USO1: variants seen among roughly 807,000 people sequenced by gnomAD.
USO1 encodes the protein general vesicular transport factor p115.
A neutral mutation model predicts 124.5 loss-of-function variants in USO1; 57 were observed. The observed-to-expected ratio is 0.46, with a 90% CI of 0.37 to 0.57. The LOEUF (loss-of-function observed/expected upper bound fraction) is 0.57. USO1 is among the 20% of genes least tolerant of loss of function. The pLI is 0.00. For missense variants in USO1, 900 were observed against 1,040.6 expected (o/e 0.86, Z 1.86); for synonymous variants, 369 against 362.8 (o/e 1.02, Z -0.19).
chr4:75,788,547 C>CTTTT (rs202201141), intron 10 of USO1, among the ~76,000 whole-genome samples: 1 of 139,724 alleles, frequency 7.2e-6, no homozygotes, highest in African/African-American at 2.6e-5. Context: ...CTTTTCTTTT[C>CTTTT]TTTTTTTTTT....
intron 1 of USO1, among the ~76,000 whole-genome samples, chr4:75,731,370 T>C (rs13126244): frequency 6.6e-6 from 1 of 152,178 alleles, no homozygotes; most frequent in South Asian, 2.1e-4. Context: ...GAGACCAGCC[T>C]GGCCAACATG....
chr4:75,758,899 GAT>G (rs1721517465), intron 4 of USO1, among the ~76,000 whole-genome samples: 1 of 152,122 alleles, frequency 6.6e-6, no homozygotes, highest in Non-Finnish European at 1.5e-5. Flanking sequence ...TGAAGAAAAA[GAT>G]ACTTATTTTC....
chr4:75,777,220 T>C (rs1346841991), intron 8 of USO1, among the ~76,000 whole-genome samples: 7 of 152,202 alleles, frequency 4.6e-5, no homozygotes, highest in Non-Finnish European at 1.0e-4. Context: ...ACACATATTT[T>C]GGTAGTTTTA....
chr4:75,790,382 T>C (rs974078001), intron 11 of USO1, 144 bp downstream of exon 11: 24 of 1,244,556 alleles, frequency 1.9e-5, no homozygotes, highest in East Asian at 2.6e-5. Context: ...ATAAATGATA[T>C]TGATATTTTA....
chr4:75,745,341 G>T (rs961110806), intron 1 of USO1: 1 of 519,740 alleles, frequency 1.9e-6, no homozygotes, highest in Non-Finnish European at 3.8e-6. Context: ...GGCTTGTCAG[G>T]GTGTTTAGTA....
At chr4:75,734,488 G>A (rs1012628584) in intron 1 of USO1, among the ~76,000 whole-genome samples, 2 of 152,030 alleles carry the variant, frequency 1.3e-5, no homozygotes, top group Non-Finnish European at 2.9e-5. Context: ...CTGTTCCATT[G>A]CTCCATGTCT....
At chr4:75,761,109 T>G (rs1396306807) in intron 4 of USO1, among the ~76,000 whole-genome samples, 1 of 152,000 alleles carries the variant, frequency 6.6e-6, no homozygotes, top group Non-Finnish European at 1.5e-5. Flanking sequence ...ATTGTGCCAC[T>G]GCACGATCCA....
chr4:75,800,295 A>G (rs1181920698), intron 14 of USO1, 56 bp from the exon 15 acceptor site: 3 of 1,518,918 alleles, frequency 2.0e-6, no homozygotes, highest in Non-Finnish European at 8.8e-7. Flanking sequence ...GTCAAATTCA[A>G]ATTGCAAAAT....
At position 75,810,571 on chromosome 4, in the gene USO1, A is replaced by C. The variant is rs753558260; in HGVS notation, c.2583+32A>C. 8.9e-6 allele frequency: 14 copies of C among 1,569,880 alleles called. No individual in the cohort carries two copies. In the African/African-American group the frequency reaches 1.6e-4, roughly 18 times the overall value. ...TTTTGGTGCAACTTTTATTTACTGC[A>C]TATGATATGAAATGAACTCTAGGAA... On this transcript the variant is annotated intron_variant, in intron 22 of 23. Transcript: ENST00000514213.
chr4:75,765,759 A>T (rs1446052268), intron 4 of USO1, among the ~76,000 whole-genome samples: 2 of 152,112 alleles, frequency 1.3e-5, no homozygotes, highest in Non-Finnish European at 2.9e-5. Flanking sequence ...TTATCAGCTC[A>T]CAAAGGAACA....
chr4:75,804,905 A>C, intron 18 of USO1: 1 of 373,838 alleles, frequency 2.7e-6, no homozygotes, highest in Non-Finnish European at 4.7e-6. Flanking sequence ...TCTTAATCAT[A>C]GATCACCAGA....
Position 75,793,745 on chromosome 4 carries a change from T to C in USO1, c.1296T>C (p.Thr432=), listed in dbSNP as rs749935352. 1.9e-5 allele frequency: 30 copies of C among 1,613,504 alleles called. No individual in the cohort carries two copies. Among genetic ancestry groups the C allele is most frequent in the Non-Finnish European group, 2.5e-5 (29 of 1,179,644 alleles). The change falls in exon 13 of 24, where the codon ACT becomes ACC. Residue 432 remains threonine (T), a synonymous_variant. Transcript: ENST00000514213. The part of the protein sequence containing the change: ...GQLLCGGLFS[T]DSLSNWCAAV... Reference sequence around the variant, plus strand: ...TATTATGTGGAGGTTTGTTTTCTACTGATTCACTTTCAAACTGGTGTGCTG... The same window carrying C: ...TATTATGTGGAGGTTTGTTTTCTACCGATTCACTTTCAAACTGGTGTGCTG...
At chr4:75,793,975 A>G in intron 13 of USO1, 74 bp downstream of exon 13, 1 of 1,580,126 alleles carries the variant, frequency 6.3e-7, no homozygotes, top group Admixed American at 1.8e-5. Context: ...ATGTCTTTAG[A>G]AGATGCAGAT....
intron 10 of USO1, 85 bp from the exon 11 acceptor site, chr4:75,790,059 CAAAAAA>C (rs199899130): frequency 2.4e-6 from 2 of 850,894 alleles, no homozygotes; most frequent in African/African-American, 4.0e-5. Context: ...AAAAAAAAAA[CAAAAAA>C]AAAAGATTTT....
intron 4 of USO1, among the ~76,000 whole-genome samples, chr4:75,764,857 A>C (rs1721722115): frequency 6.6e-6 from 1 of 152,164 alleles, no homozygotes; most frequent in South Asian, 2.1e-4. Context: ...AAAAAACCTG[A>C]AGATTGGCAA....
chr4:75,805,108 T>C lies in USO1; in HGVS notation c.2126-32T>C, dbSNP rs536869437. Reference sequence around the variant, plus strand: ...AAAAATGAAAAACTGAAGTTTCCCGTTGGCTTTTAAAATGTTATGTCTGTC... The same window carrying C: ...AAAAATGAAAAACTGAAGTTTCCCGCTGGCTTTTAAAATGTTATGTCTGTC... On this transcript the variant is annotated intron_variant, in intron 18 of 23. Coordinates refer to ENST00000514213, the MANE Select transcript of USO1 (RefSeq NM_003715.4). 24 of 1,522,580 alleles carry C rather than the reference T, an allele frequency of 1.6e-5. No homozygotes were observed. In the East Asian group the frequency reaches 2.8e-4, roughly 18 times the overall value. 94.3% of individuals were successfully genotyped at this position (1,522,580 alleles called of 1,614,324 possible).
chr4:75,729,005 C>T (rs1057107097), intron 1 of USO1, among the ~76,000 whole-genome samples: 1 of 152,072 alleles, frequency 6.6e-6, no homozygotes, highest in Non-Finnish European at 1.5e-5. Context: ...ACCGTGTTAA[C>T]CAGGATGGTC....
At chr4:75,791,322 G>A (rs926813137) in intron 12 of USO1, among the ~76,000 whole-genome samples, 22 of 152,106 alleles carry the variant, frequency 1.4e-4, no homozygotes, top group African/African-American at 5.1e-4. Flanking sequence ...CCAGGAGTTC[G>A]AGACCAGCCT....
intron 20 of USO1, 56 bp from the exon 21 acceptor site, chr4:75,808,897 T>TCC (rs1723066156): frequency 6.6e-7 from 1 of 1,505,204 alleles, no homozygotes. Context: ...TGTAAATATT[T>TCC]CCTTGATGAA....
Sources: gnomAD v4.1 joint callset for allele counts (sites outside exome capture counted in the v4.1 genomes callset) on GRCh38, gnomAD v4.1.1 for gene constraint, MANE v1.5 for transcripts, NCBI Gene and HGNC (gene_info 2026-07-23, HGNC 2026-07-21) for gene names.